Variants in ZNF426 observed in about 807,000 individuals in gnomAD.
The protein encoded by ZNF426 is CTC-543D15.7.
In ZNF426, 23 loss-of-function variants were observed where a neutral mutation model predicts 24.0. The ratio of observed to expected loss-of-function variants is 0.96; its 90% CI spans 0.69 to 1.36. The LOEUF (loss-of-function observed/expected upper bound fraction) is 1.36, where lower values mean the gene tolerates loss of function less well. Ranked by LOEUF, ZNF426 falls within the 40% of genes most tolerant of loss-of-function variation. The probability of loss-of-function intolerance (pLI) is 0.00; values close to 1 mark genes in which losing one functional copy is unlikely to be tolerated. For synonymous variants in ZNF426, 272 were observed against 224.6 expected (o/e 1.21, Z -1.89); for missense variants, 646 against 658.4 (o/e 0.98, Z 0.21).
At chr19:9,530,108 G>C (rs770582907) in intron 7 of ZNF426, among the ~76,000 whole-genome samples, 2 of 151,688 alleles carry the variant, frequency 1.3e-5, no homozygotes, top group African/African-American at 4.9e-5. Context: ...GCAACAAAGC[G>C]AGACTCCGTC....
Position 9,529,556 on chromosome 19 carries a change from C to A in ZNF426, c.489G>T (p.Thr163=), listed in dbSNP as rs114914269. 9 of 1,609,976 alleles carry A rather than the reference C, an allele frequency of 5.6e-6. No individual in the cohort carries two copies. Among genetic ancestry groups the A allele is most frequent in the Non-Finnish European group, 6.8e-6 (8 of 1,179,972 alleles). The part of the protein sequence containing the change: ...EVFSEHSCLK[T]HVRTQSTGNT... ...TCCCTGTACTTTGAGTTCTCACGTGCGTCTTAAGGCATGAGTGTTCACTGA... is the reference window on the plus strand; with the variant it reads ...TCCCTGTACTTTGAGTTCTCACGTGAGTCTTAAGGCATGAGTGTTCACTGA... Residue 163 remains threonine (T), a synonymous_variant, in exon 8 of 8, where the codon ACG becomes ACT. Transcript: ENST00000253115.
intron 2 of ZNF426, among the ~76,000 whole-genome samples, chr19:9,537,791 C>T (rs1404116158): frequency 6.6e-6 from 1 of 152,086 alleles, no homozygotes; most frequent in Admixed American, 6.6e-5. Context: ...GCTGAGATTC[C>T]AAGACCCCAC....
chr19:9,534,792 A>G (rs910937333), intron 4 of ZNF426, among the ~76,000 whole-genome samples: 1 of 151,846 alleles, frequency 6.6e-6, no homozygotes, highest in Non-Finnish European at 1.5e-5. Flanking sequence ...ACGGGGTCTC[A>G]CTATGTTGCT....
rs887614167 is a variant in ZNF426 at position 9,538,560 on chromosome 19, C to T, written c.-212+15G>A. On this transcript the variant is annotated intron_variant, in intron 1 of 7. Coordinates refer to ENST00000253115, the MANE Select transcript of ZNF426 (RefSeq NM_024106.3). ...GTCCTTCACCCCAAAACCAGTTCAT[C>T]TCCTCGGAACTCACCCAGGCCAGTG... 6.6e-6 allele frequency: 1 copy of T among 152,224 alleles called. No individual in the cohort carries two copies. Among genetic ancestry groups the T allele is most frequent in the Non-Finnish European group, 1.5e-5 (1 of 68,104 alleles). 9.4% of individuals were successfully genotyped at this position (152,224 alleles called of 1,614,324 possible).
chr19:9,531,659 T>C (rs2073885644), intron 6 of ZNF426, among the ~76,000 whole-genome samples: 1 of 151,936 alleles, frequency 6.6e-6, no homozygotes, highest in South Asian at 2.1e-4. Flanking sequence ...GGAATGAAAG[T>C]AGGAAATTTC....
Position 9,529,294 on chromosome 19 carries a change from G to A in ZNF426, c.751C>T (p.Leu251Phe), listed in dbSNP as rs1429660241. The stretch of plus-strand genomic sequence containing the variant: ...GGCCCATAATTCCTCCATTCGTAGA[G>A]TTTTTCTCCATTGTGAGTTCTCATA... Reference protein sequence around the residue: ...AHMRTHNGEKLYEWRNYGPGF... With the variant: ...AHMRTHNGEKFYEWRNYGPGF... The change falls in exon 8 of 8, where the codon CTC becomes TTC. Residue 251 changes from leucine to phenylalanine, a missense_variant. Leu to Phe is a conservative substitution (Grantham distance 22). Coordinates refer to ENST00000253115, the MANE Select transcript of ZNF426 (RefSeq NM_024106.3). 3 of 1,613,994 alleles carry A rather than the reference G, an allele frequency of 1.9e-6. No homozygotes were observed. The highest frequency in any genetic ancestry group is 2.2e-5 in the South Asian group (2 of 91,028).
At chr19:9,530,158 G>A (rs1190562316) in intron 7 of ZNF426, among the ~76,000 whole-genome samples, 1 of 152,042 alleles carries the variant, frequency 6.6e-6, no homozygotes, top group Non-Finnish European at 1.5e-5. Context: ...GATTTCTGTA[G>A]AATTCAATGT....
chr19:9,530,036 G>A (rs190330333), intron 7 of ZNF426, among the ~76,000 whole-genome samples: 71 of 152,166 alleles, frequency 4.7e-4, no homozygotes, highest in Admixed American at 2.6e-3. Context: ...CACAAGAATC[G>A]CTTGAACCTG....
At chr19:9,534,368 G>A (rs1383432720) in intron 4 of ZNF426, among the ~76,000 whole-genome samples, 3 of 152,056 alleles carry the variant, frequency 2.0e-5, no homozygotes, top group Non-Finnish European at 1.5e-5. Flanking sequence ...ACCATGCCCG[G>A]CTAATTTTTT....
At position 9,525,660 on chromosome 19, in the gene ZNF426, T is replaced by C. The variant is rs1014427693; in HGVS notation, c.*2720A>G. The stretch of plus-strand genomic sequence containing the variant: ...CGCCACCACACCCAGCTAATTTTTT[T>C]GTATTTTTAGTAGAGACGGGGTTTC... On this transcript the variant is annotated 3_prime_UTR_variant, in exon 8 of 8. Coordinates refer to ENST00000253115, the MANE Select transcript of ZNF426 (RefSeq NM_024106.3). The C allele has an allele frequency of 6.6e-6, 1 of 152,084 alleles. No homozygotes were observed. Among genetic ancestry groups the C allele is most frequent in the African/African-American group, 2.4e-5 (1 of 41,374 alleles). The allele number at this position is 152,084 out of a possible 1,614,324, so 9.4% of individuals were successfully genotyped here.
Position 9,529,622 on chromosome 19 carries a change from A to G in ZNF426, c.423T>C (p.Asn141=), listed in dbSNP as rs1040028562. The change falls in exon 8 of 8, where the codon AAT becomes AAC. Residue 141 remains asparagine (N), a synonymous_variant. Transcript: ENST00000253115. ...SIGIQLEGKH[N]GRELCDCEQC... ...GCTCACAGTCACAGAGTTCCCTTCC[A>G]TTGTGTTTTCCTTCCTGTTGAAGGG... 3.1e-6 allele frequency: 5 copies of G among 1,591,682 alleles called. No individual in the cohort carries two copies. The highest frequency in any genetic ancestry group is 1.8e-5 in the Admixed American group (1 of 56,866).
In ZNF426 at chr19:9,528,226, G is replaced by A. The variant is rs2073819576; in HGVS notation, c.*154C>T. 1.3e-6 allele frequency: 1 copy of A among 763,460 alleles called. No homozygotes were observed. Among genetic ancestry groups the A allele is most frequent in the Non-Finnish European group, 2.0e-6 (1 of 496,396 alleles). The allele number at this position is 763,460 out of a possible 1,614,324, so 47.3% of individuals were successfully genotyped here. A position where few individuals can be genotyped will look rare whatever the true frequency, so the allele number is the denominator to read the frequency against. Reference sequence around the variant, plus strand: ...TGGTCTCAAACTCCTGACCTCAAGTGATCCACCCACCTCAGCCTCTCAAAA... The same window carrying A: ...TGGTCTCAAACTCCTGACCTCAAGTAATCCACCCACCTCAGCCTCTCAAAA... On this transcript the variant is annotated 3_prime_UTR_variant, in exon 8 of 8. Coordinates refer to ENST00000253115, the MANE Select transcript of ZNF426 (RefSeq NM_024106.3).
At position 9,529,350 on chromosome 19, in the gene ZNF426, G is replaced by T. The variant is rs762270177; in HGVS notation, c.695C>A (p.Ser232Tyr). 1 of 1,614,166 alleles carries T rather than the reference G, an allele frequency of 6.2e-7. No homozygotes were observed. Among genetic ancestry groups the T allele is most frequent in the South Asian group, 1.1e-5 (1 of 91,070 alleles). The change falls in exon 8 of 8, where the codon TCC (serine) becomes TAC (tyrosine). Residue 232 changes from serine to tyrosine, a missense_variant. Physicochemically the swap from Ser to Tyr is moderately radical, Grantham distance 144. Coordinates refer to ENST00000253115, the MANE Select transcript of ZNF426 (RefSeq NM_024106.3). ...CTGAAGGTATGACTCATTAATGAAGGATTTTCCACAGTGACTACATTCAAA... is the reference window on the plus strand; with the variant it reads ...CTGAAGGTATGACTCATTAATGAAGTATTTTCCACAGTGACTACATTCAAA... ...KSFECSHCGKSFINESYLQAH... is the reference protein window; with the variant it reads ...KSFECSHCGKYFINESYLQAH...
chr19:9,534,348 G>A (rs1430220962), intron 4 of ZNF426, among the ~76,000 whole-genome samples: 3 of 151,920 alleles, frequency 2.0e-5, no homozygotes, highest in Non-Finnish European at 4.4e-5. Flanking sequence ...TGAAATTACA[G>A]GCACACGCCA....
At position 9,526,589 on chromosome 19, in the gene ZNF426, A is replaced by T. The variant is rs2073794298; in HGVS notation, c.*1791T>A. On this transcript the variant is annotated 3_prime_UTR_variant, in exon 8 of 8. Coordinates refer to ENST00000253115, the MANE Select transcript of ZNF426 (RefSeq NM_024106.3). Reference sequence around the variant, plus strand: ...CTGAAAAGCAAAGAGAAGAATAAAAAAACAAGATATAAGAACTGTGGGATA... The same window carrying T: ...CTGAAAAGCAAAGAGAAGAATAAAATAACAAGATATAAGAACTGTGGGATA... The T allele has an allele frequency of 6.6e-6, 1 of 152,202 alleles. No homozygotes were observed. Among genetic ancestry groups the T allele is most frequent in the Admixed American group, 6.5e-5 (1 of 15,274 alleles). 9.4% of individuals were successfully genotyped at this position (152,202 alleles called of 1,614,324 possible). A position where few individuals can be genotyped will look rare whatever the true frequency, so the allele number is the denominator to read the frequency against.
At chr19:9,536,620 C>T (rs1479959906) in intron 2 of ZNF426, 1 of 267,570 alleles carries the variant, frequency 3.7e-6, no homozygotes, top group African/African-American at 2.3e-5. Context: ...AAGTTTTGCA[C>T]ACACACATAG....
chr19:9,529,767 C>T (rs949919135), intron 7 of ZNF426, 131 bp from the exon 8 acceptor site: 13 of 814,470 alleles, frequency 1.6e-5, no homozygotes, highest in Non-Finnish European at 2.4e-5. Context: ...TCAGGTCCTT[C>T]CCTGTAGATT....
Position 9,528,336 on chromosome 19 carries a change from A to G in ZNF426, c.*44T>C. The G allele has an allele frequency of 6.6e-7, 1 of 1,525,134 alleles. No individual in the cohort carries two copies. The highest frequency in any genetic ancestry group is 8.8e-7 in the Non-Finnish European group (1 of 1,136,302). The allele number at this position is 1,525,134 out of a possible 1,614,324, so 94.5% of individuals were successfully genotyped here. On this transcript the variant is annotated 3_prime_UTR_variant, in exon 8 of 8. Coordinates refer to ENST00000253115, the MANE Select transcript of ZNF426 (RefSeq NM_024106.3). ...ATTCATGTCTTTAAAGTGAACTGGA[A>G]CAAATGAGAGCTTTCCCACATTTAT...
chr19:9,536,694 C>CGGCG, intron 2 of ZNF426: 3 of 211,672 alleles, frequency 1.4e-5, no homozygotes, highest in Admixed American at 1.1e-4. Context: ...TGATTGGAAA[C>CGGCG]ACTCAAATCA....
Sources: gnomAD v4.1 joint callset for allele counts (sites outside exome capture counted in the v4.1 genomes callset) on GRCh38, gnomAD v4.1.1 for gene constraint, MANE v1.5 for transcripts, NCBI Gene and HGNC (gene_info 2026-07-23, HGNC 2026-07-21) for gene names.